FAM149A: variants seen among roughly 807,000 people sequenced by gnomAD.
The protein encoded by FAM149A is family with sequence similarity 149 member A, also known as protein FAM149A.
Under a neutral mutation model 78.2 loss-of-function variants are expected in FAM149A, and 71 were observed. That is an observed-to-expected ratio of 0.91 (90% confidence interval 0.75 to 1.11). The LOEUF (loss-of-function observed/expected upper bound fraction) is 1.11. FAM149A is among the 50% of genes least tolerant of loss of function. The probability of loss-of-function intolerance (pLI) is 0.00; values close to 1 mark genes in which losing one functional copy is unlikely to be tolerated. For missense variants in FAM149A, 1,036 were observed against 971.0 expected (o/e 1.07, Z -0.89); for synonymous variants, 446 against 410.5 (o/e 1.09, Z -1.04).
At chr4:186,125,364 G>A (rs1188142148) in intron 1 of FAM149A, 10 of 982,124 alleles carry the variant, frequency 1.0e-5, no homozygotes, top group East Asian at 1.1e-4. Flanking sequence ...CATCCCCTGC[G>A]GAGGTCTCTT....
At chr4:186,136,099 C>T (rs925508589) in intron 1 of FAM149A, among the ~76,000 whole-genome samples, 5 of 152,184 alleles carry the variant, frequency 3.3e-5, no homozygotes, top group Non-Finnish European at 7.4e-5. Flanking sequence ...GCAATTACTA[C>T]GAAGTCTTTG....
chr4:186,149,068 G>A, intron 1 of FAM149A, 105 bp from the exon 2 acceptor site: 1 of 919,122 alleles, frequency 1.1e-6, no homozygotes, highest in Non-Finnish European at 1.4e-6. Flanking sequence ...GGATGTGGCA[G>A]AACGAGAGGA....
At chr4:186,169,276 A>T in intron 13 of FAM149A, 2 of 985,408 alleles carry the variant, frequency 2.0e-6, no homozygotes, top group Non-Finnish European at 2.4e-6. Flanking sequence ...CAGACAACTT[A>T]CAAAACACAA....
In FAM149A at chr4:186,149,560, C is replaced by T; in HGVS notation, c.678-33C>T. The T allele has an allele frequency of 7.8e-7, 1 of 1,289,836 alleles. No homozygotes were observed. The highest frequency in any genetic ancestry group is 1.0e-6 in the Non-Finnish European group (1 of 988,882). 79.9% of individuals were successfully genotyped at this position (1,289,836 alleles called of 1,614,324 possible). A position where few individuals can be genotyped will look rare whatever the true frequency, so the allele number is the denominator to read the frequency against. The stretch of plus-strand genomic sequence containing the variant: ...GTGATTTCTTTGCTCATGTTCATTC[C>T]TGCAGCAAATCCTTGTCATCCTTTT... On this transcript the variant is annotated intron_variant, in intron 2 of 13. Transcript: ENST00000389354.
chr4:186,163,590 A>C lies in FAM149A; in HGVS notation c.1846A>C (p.Thr616Pro), dbSNP rs757218081. The C allele has an allele frequency of 1.2e-6, 2 of 1,613,722 alleles. No homozygotes were observed. Among genetic ancestry groups the C allele is most frequent in the African/African-American group, 1.3e-5 (1 of 74,760 alleles). The change falls in exon 10 of 14, where the codon ACT becomes CCT. Residue 616 changes from threonine (T) to proline (P), a missense_variant. By Grantham distance (38) the Thr-to-Pro change is conservative. Around this residue, in one of 3 missense-constraint regions of FAM149A, gnomAD observed 716 missense variants for 711.8 expected, o/e 1.01. Coordinates refer to ENST00000389354, the MANE Select transcript of FAM149A (RefSeq NM_001367768.3). ...TGCTTCAGATTCACAGAGACTAAAA[A>C]CTCCCAACATCTATAGTGACGAAGT...
chr4:186,147,891 T>C (rs1289217994), intron 1 of FAM149A, among the ~76,000 whole-genome samples: 1 of 152,236 alleles, frequency 6.6e-6, no homozygotes, highest in Non-Finnish European at 1.5e-5. Flanking sequence ...TCCTCAGAGT[T>C]ACCTGGTTGT....
At chr4:186,165,177 A>AT (rs2126536478) in intron 10 of FAM149A, among the ~76,000 whole-genome samples, 167 bp from the exon 11 acceptor site, 1 of 152,328 alleles carries the variant, frequency 6.6e-6, no homozygotes, top group Non-Finnish European at 1.5e-5. Flanking sequence ...TCAGAGTGCT[A>AT]TAAGTTCCCT....
chr4:186,146,965 G>A (rs913232482), intron 1 of FAM149A: 10 of 985,318 alleles, frequency 1.0e-5, no homozygotes, highest in African/African-American at 1.7e-5. Flanking sequence ...CTTAAAAGAT[G>A]AATAAGGTGT....
intron 1 of FAM149A, among the ~76,000 whole-genome samples, chr4:186,136,491 CACTT>C (rs964948790): frequency 6.6e-6 from 1 of 152,104 alleles, no homozygotes; most frequent in East Asian, 1.9e-4. Flanking sequence ...TAAATTTTAG[CACTT>C]ACTTTAAAAA....
chr4:186,171,572 T>C (rs1383254816), intron 13 of FAM149A, among the ~76,000 whole-genome samples: 1 of 151,968 alleles, frequency 6.6e-6, no homozygotes, highest in Admixed American at 6.5e-5. Flanking sequence ...TTAAAGTACC[T>C]GGCATTGCAC....
intron 1 of FAM149A, chr4:186,132,201 T>A: frequency 2.0e-6 from 2 of 985,438 alleles, no homozygotes; most frequent in Non-Finnish European, 2.4e-6. Context: ...TAAAGACCTG[T>A]TTTCTATATC....
At position 186,149,522 on chromosome 4, in the gene FAM149A, C is replaced by T. The variant is rs376575506; in HGVS notation, c.678-71C>T. ...AGTGAAGCCACTTAGCCATCCAAGC[C>T]CTTCCAGCAAATGTGATTTCTTTGC... is the stretch of plus-strand genomic sequence containing the variant. On this transcript the variant is annotated intron_variant, in intron 2 of 13. Coordinates refer to ENST00000389354, the MANE Select transcript of FAM149A (RefSeq NM_001367768.3). The T allele has an allele frequency of 4.7e-5, 61 of 1,289,266 alleles. No individual in the cohort carries two copies. In the East Asian group the frequency reaches 2.3e-3, roughly 49 times the overall value. The allele number at this position is 1,289,266 out of a possible 1,614,324, so 79.9% of individuals were successfully genotyped here.
At chr4:186,165,268 A>G in intron 10 of FAM149A, 76 bp from the exon 11 acceptor site, 1 of 1,537,724 alleles carries the variant, frequency 6.5e-7, no homozygotes, top group South Asian at 1.1e-5. Flanking sequence ...TTGAAATCAC[A>G]GCTCTTGGCA....
intron 1 of FAM149A, among the ~76,000 whole-genome samples, chr4:186,136,964 T>TTTCTCTCTCTCTCTC (rs2099323211): frequency 1.2e-4 from 12 of 97,100 alleles, no homozygotes; most frequent in African/African-American, 1.8e-4. Flanking sequence ...CTCTCTCTCT[T>TTTCTCTCTCTCTCTC]TCTCTCTCTC....
intron 1 of FAM149A, among the ~76,000 whole-genome samples, chr4:186,113,381 G>T: frequency 1.3e-5 from 1 of 78,240 alleles, no homozygotes; most frequent in Admixed American, 1.6e-4. Context: ...GGTTTTTTGT[G>T]TCTCTATTTC....
intron 1 of FAM149A, chr4:186,109,726 G>A (rs1428882397): frequency 4.1e-6 from 4 of 980,334 alleles, no homozygotes; most frequent in Non-Finnish European, 4.8e-6. Flanking sequence ...TGAGAGCCAT[G>A]TTTTATTGAA....
At chr4:186,153,877 T>A in intron 5 of FAM149A, 107 bp downstream of exon 5, 11 of 1,311,198 alleles carry the variant, frequency 8.4e-6, no homozygotes, top group Non-Finnish European at 1.2e-5. Flanking sequence ...TTTTGGAAAT[T>A]TAGATTCTGA....
intron 1 of FAM149A, among the ~76,000 whole-genome samples, chr4:186,130,619 A>G (rs2099320408): frequency 6.6e-6 from 1 of 151,652 alleles, no homozygotes; most frequent in Admixed American, 6.6e-5. Context: ...TCAAGTTCCC[A>G]AAGTGCTGGG....
rs947576104 is a variant in FAM149A at position 186,132,983 on chromosome 4, G to T, written c.567-16190G>T. 7.1e-6 allele frequency: 7 copies of T among 985,198 alleles called. No individual in the cohort carries two copies. In the African/African-American group the frequency reaches 1.2e-4, roughly 17 times the overall value. The allele number at this position is 985,198 out of a possible 1,614,324, so 61.0% of individuals were successfully genotyped here. A position where few individuals can be genotyped will look rare whatever the true frequency, so the allele number is the denominator to read the frequency against. On this transcript the variant is annotated intron_variant, in intron 1 of 13. Coordinates refer to ENST00000389354, the MANE Select transcript of FAM149A (RefSeq NM_001367768.3). ...TGGATTTTTTAAAAGAGACATTGAC[G>T]CTGTGCTCTGAGACGAGCTCTGCCT...
Sources: allele counts gnomAD v4.1 joint callset (sites outside exome capture counted in the v4.1 genomes callset), GRCh38; gene constraint gnomAD v4.1.1; regional missense constraint gnomAD v4.1.1; transcripts MANE v1.5; gene names NCBI Gene and HGNC (gene_info 2026-07-23, HGNC 2026-07-21).